Variants in FHIT observed in about 807,000 individuals in gnomAD.
FHIT encodes the protein bis(5'-adenosyl)-triphosphatase.
In FHIT, 19 loss-of-function variants were observed where a neutral mutation model predicts 17.9. The ratio of observed to expected loss-of-function variants is 1.06; its 90% CI spans 0.74 to 1.56. FHIT has a LOEUF of 1.56. Ranked by LOEUF, FHIT falls within the 40% of genes most tolerant of loss-of-function variation. The pLI is 0.00. For synonymous variants in FHIT, 81 were observed against 69.7 expected (o/e 1.16, Z -0.81); for missense variants, 248 against 189.2 (o/e 1.31, Z -1.82).
intron 5 of FHIT, among the ~76,000 whole-genome samples, chr3:60,039,045 C>G (rs953137304): frequency 3.3e-5 from 5 of 152,182 alleles, no homozygotes; most frequent in Non-Finnish European, 7.3e-5. Context: ...GTGGCTGAGA[C>G]TAGGGCCATC....
intron 3 of FHIT, among the ~76,000 whole-genome samples, chr3:60,882,427 A>T (rs1692235736): frequency 1.3e-5 from 2 of 151,760 alleles, no homozygotes; most frequent in South Asian, 2.1e-4. Flanking sequence ...ACAACAAAAA[A>T]AGGCCAAAAT....
At chr3:60,216,780 C>T (rs1703718225) in intron 5 of FHIT, among the ~76,000 whole-genome samples, 1 of 152,122 alleles carries the variant, frequency 6.6e-6, no homozygotes, top group African/African-American at 2.4e-5. Context: ...AGACATGTTC[C>T]AGTGTCTGCT....
intron 8 of FHIT, among the ~76,000 whole-genome samples, chr3:59,843,060 A>T (rs1481158484): frequency 2.6e-5 from 4 of 151,708 alleles, no homozygotes; most frequent in Admixed American, 2.6e-4. Context: ...TAGGTCGGAG[A>T]CTCATTTTAA....
intron 3 of FHIT, among the ~76,000 whole-genome samples, chr3:60,980,501 C>T (rs967181423): frequency 3.9e-5 from 6 of 152,170 alleles, no homozygotes; most frequent in African/African-American, 1.4e-4. Flanking sequence ...CTCACCCTCC[C>T]ACCTACTTAC....
intron 4 of FHIT, among the ~76,000 whole-genome samples, chr3:60,567,025 C>A (rs1038953601): frequency 2.0e-5 from 3 of 148,798 alleles, no homozygotes; most frequent in Non-Finnish European, 4.5e-5. Flanking sequence ...GTGAAAATGG[C>A]CATACTGCCC....
At chr3:60,850,191 G>C (rs35871234) in intron 3 of FHIT, among the ~76,000 whole-genome samples, 1 of 151,576 alleles carries the variant, frequency 6.6e-6, no homozygotes, top group Non-Finnish European at 1.5e-5. Flanking sequence ...AGAGGCCTTC[G>C]CTGACTATCC....
intron 3 of FHIT, among the ~76,000 whole-genome samples, chr3:60,959,851 G>T (rs776536168): frequency 6.7e-6 from 1 of 149,822 alleles, no homozygotes; most frequent in Non-Finnish European, 1.5e-5. Flanking sequence ...TATTTGGTGA[G>T]CCTGAGGGCA....
intron 5 of FHIT, among the ~76,000 whole-genome samples, chr3:60,360,004 T>C (rs1467187459): frequency 2.0e-5 from 3 of 150,856 alleles, no homozygotes; most frequent in South Asian, 2.1e-4. Context: ...TTTCTTTTTT[T>C]TTTTTTCATT....
chr3:60,601,438 T>C (rs2038443406), intron 4 of FHIT, among the ~76,000 whole-genome samples: 1 of 152,176 alleles, frequency 6.6e-6, no homozygotes, highest in African/African-American at 2.4e-5. Context: ...AAATCAGTCA[T>C]CTTTAGAAAA....
At chr3:60,392,258 A>T (rs1701261756) in intron 5 of FHIT, among the ~76,000 whole-genome samples, 2 of 152,224 alleles carry the variant, frequency 1.3e-5, no homozygotes, top group South Asian at 4.1e-4. Context: ...TGTTGAGGCA[A>T]GAACATGCAT....
At chr3:60,037,272 T>C (rs34732137) in intron 5 of FHIT, among the ~76,000 whole-genome samples, 21,070 of 152,148 alleles carry the variant, frequency 0.14, 1,689 homozygotes, top group African/African-American at 0.2. Flanking sequence ...AATACATACA[T>C]AATGCTTCAA....
chr3:60,508,207 A>T (rs947038338), intron 5 of FHIT, among the ~76,000 whole-genome samples: 2 of 152,186 alleles, frequency 1.3e-5, no homozygotes, highest in Non-Finnish European at 2.9e-5. Context: ...TAGATTTGTG[A>T]AATTTAGGAA....
At chr3:60,118,033 G>C (rs74579058) in intron 5 of FHIT, among the ~76,000 whole-genome samples, 11,164 of 152,240 alleles carry the variant, frequency 0.073, 572 homozygotes, top group Admixed American at 0.12. Flanking sequence ...GTGAGTTTGA[G>C]ACCAAGGATA....
chr3:61,191,765 C>T (rs192623407), intron 2 of FHIT, among the ~76,000 whole-genome samples: 1 of 152,156 alleles, frequency 6.6e-6, no homozygotes, highest in Admixed American at 6.5e-5. Flanking sequence ...CACACCCATG[C>T]CCTACACACA....
At chr3:60,516,885 G>C (rs1052302993) in intron 5 of FHIT, among the ~76,000 whole-genome samples, 4 of 152,186 alleles carry the variant, frequency 2.6e-5, no homozygotes, top group African/African-American at 9.7e-5. Flanking sequence ...TATAATAGGA[G>C]CTTCAGTAAA....
At chr3:60,323,833 T>A (rs556382913) in intron 5 of FHIT, among the ~76,000 whole-genome samples, 5 of 152,324 alleles carry the variant, frequency 3.3e-5, no homozygotes, top group African/African-American at 1.2e-4. Flanking sequence ...GATCCCTGCC[T>A]GAGGCTCTGA....
intron 5 of FHIT, among the ~76,000 whole-genome samples, chr3:60,017,498 G>A (rs1483436881): frequency 6.6e-6 from 1 of 152,154 alleles, no homozygotes; most frequent in East Asian, 1.9e-4. Context: ...TTTAGATACT[G>A]CAGCCTCTAT....
rs557888662 is a variant in FHIT at position 60,820,813 on chromosome 3, G to A, written c.-18+1106C>T. Among the ~76,000 whole-genome samples the A allele has an allele frequency of 1.1e-4, 16 of 152,094 alleles. No homozygotes were observed. The East Asian group carries it at 1.2e-3, about 11-fold the overall frequency. The stretch of plus-strand genomic sequence containing the variant: ...ATACATGTTAAATTGTCTGAGACCC[G>A]GAAATGAGAGATACTGTTAAAGGAG... On this transcript the variant is annotated intron_variant, in intron 4 of 9. Coordinates refer to ENST00000492590, the MANE Select transcript of FHIT (RefSeq NM_002012.4).
chr3:60,020,883 T>C (rs1460693021), intron 5 of FHIT, among the ~76,000 whole-genome samples: 2 of 152,180 alleles, frequency 1.3e-5, no homozygotes, highest in Non-Finnish European at 2.9e-5. Context: ...AGCACTTTGA[T>C]GGATTTTCAT....
Sources: gnomAD v4.1 joint callset for allele counts (sites outside exome capture counted in the v4.1 genomes callset) on GRCh38, gnomAD v4.1.1 for gene constraint, MANE v1.5 for transcripts, NCBI Gene and HGNC (gene_info 2026-07-23, HGNC 2026-07-21) for gene names.